The following KHDRBS2 variants were observed in gnomAD, a reference collection of about 807,000 sequenced individuals.
KHDRBS2 encodes KH domain-containing, RNA-binding, signal transduction-associated protein 2.
A neutral mutation model predicts 44.3 loss-of-function variants in KHDRBS2; 26 were observed. The observed-to-expected ratio is 0.59, with a 90% CI of 0.43 to 0.81. The LOEUF (loss-of-function observed/expected upper bound fraction) is 0.81. Ranked by LOEUF, KHDRBS2 falls within the 40% of genes least tolerant of loss-of-function variation. KHDRBS2 has a pLI of 0.00. For synonymous variants in KHDRBS2, 194 were observed against 151.1 expected (o/e 1.28, Z -2.08); for missense variants, 476 against 433.1 (o/e 1.10, Z -0.88).
chr6:62,104,072 G>C (rs1481876621), intron 2 of KHDRBS2, among the ~76,000 whole-genome samples: 1 of 152,082 alleles, frequency 6.6e-6, no homozygotes, highest in Non-Finnish European at 1.5e-5. Context: ...AAATATATAG[G>C]ATTTTTATTG....
the KHDRBS2 span, among the ~76,000 whole-genome samples, chr6:61,663,499 C>CAATATATATATATATATATATA: frequency 1.8e-4 from 1 of 5,630 alleles, no homozygotes; most frequent in Non-Finnish European, 3.1e-4. Flanking sequence ...GCATGAGACA[C>CAATATATATATATATATATATA]CATATATATA....
intron 8 of KHDRBS2, among the ~76,000 whole-genome samples, chr6:61,684,838 A>T (rs1310934489): frequency 6.6e-6 from 1 of 151,708 alleles, no homozygotes; most frequent in East Asian, 1.9e-4. Flanking sequence ...ACTTGATCCA[A>T]TTGCCACCCT....
intron 2 of KHDRBS2, among the ~76,000 whole-genome samples, chr6:62,124,263 C>G (rs1808425590): frequency 6.6e-6 from 1 of 152,124 alleles, no homozygotes; most frequent in Admixed American, 6.5e-5. Context: ...CAATTTCAAG[C>G]AATTTATAAC....
chr6:61,548,208 T>C, the KHDRBS2 span, among the ~76,000 whole-genome samples: 5 of 152,180 alleles, frequency 3.3e-5, no homozygotes, highest in Non-Finnish European at 7.4e-5. Context: ...CAACTAACTA[T>C]GGAAAAATAA....
At chr6:62,102,762 C>T (rs985864914) in intron 2 of KHDRBS2, among the ~76,000 whole-genome samples, 1 of 152,136 alleles carries the variant, frequency 6.6e-6, no homozygotes, top group Non-Finnish European at 1.5e-5. Context: ...CCAGAAGGGT[C>T]ACCACTCTTC....
At chr6:62,192,125 T>C (rs1824754905) in intron 1 of KHDRBS2, among the ~76,000 whole-genome samples, 1 of 152,062 alleles carries the variant, frequency 6.6e-6, no homozygotes, top group African/African-American at 2.4e-5. Context: ...CTCAGAGAGC[T>C]TATTTTATTC....
At chr6:62,131,982 GA>G (rs1225296347) in intron 2 of KHDRBS2, among the ~76,000 whole-genome samples, 3 of 152,154 alleles carry the variant, frequency 2.0e-5, no homozygotes, top group African/African-American at 7.2e-5. Context: ...ATTCTGGATA[GA>G]AATCAGTGAA....
intron 6 of KHDRBS2, among the ~76,000 whole-genome samples, chr6:61,737,337 C>G (rs554879453): frequency 1.9e-4 from 29 of 152,126 alleles, no homozygotes; most frequent in Non-Finnish European, 2.8e-4. Context: ...GTAAAAGGGA[C>G]AGTAAATGGG....
At chr6:62,237,663 T>C (rs1481523256) in intron 1 of KHDRBS2, among the ~76,000 whole-genome samples, 2 of 152,060 alleles carry the variant, frequency 1.3e-5, no homozygotes, top group African/African-American at 4.8e-5. Context: ...AGTGAGAAAA[T>C]ATACCAGTCA....
rs149546278 is a variant in KHDRBS2 at position 62,276,255 on chromosome 6, A to T, written c.91+9603T>A. On this transcript the variant is annotated intron_variant, in intron 1 of 8. Coordinates refer to ENST00000281156, the MANE Select transcript of KHDRBS2 (RefSeq NM_152688.4). The stretch of plus-strand genomic sequence containing the variant: ...TCTGTTTCAAAGTTATTAAATTCTA[A>T]TACCTCAGAACATACAGATAACATT... Among the ~76,000 whole-genome samples, 23 of 152,292 alleles carry T rather than the reference A, an allele frequency of 1.5e-4. No individual in the cohort carries two copies. The Middle Eastern group carries it at 0.01, about 68-fold the overall frequency.
chr6:61,877,623 T>G (rs1799614261), intron 6 of KHDRBS2, among the ~76,000 whole-genome samples: 1 of 151,890 alleles, frequency 6.6e-6, no homozygotes. Flanking sequence ...TACAAACTAC[T>G]TTTAAAAAAA....
At chr6:61,967,953 TATATAC>T (rs59776594) in intron 4 of KHDRBS2, among the ~76,000 whole-genome samples, 4,326 of 122,238 alleles carry the variant, frequency 0.035, 88 homozygotes, top group African/African-American at 0.071. Flanking sequence ...TATATATATA[TATATAC>T]ACACACACAC....
chr6:61,587,874 A>G, the KHDRBS2 span, among the ~76,000 whole-genome samples: 1 of 150,432 alleles, frequency 6.6e-6, no homozygotes, highest in Non-Finnish European at 1.5e-5. Context: ...TGATGTTACT[A>G]TCTAATTATA....
At chr6:61,548,093 A>C in the KHDRBS2 span, among the ~76,000 whole-genome samples, 1 of 152,176 alleles carries the variant, frequency 6.6e-6, no homozygotes, top group Non-Finnish European at 1.5e-5. Flanking sequence ...TCTAATAGGA[A>C]CTGAAATGAT....
intron 2 of KHDRBS2, among the ~76,000 whole-genome samples, chr6:62,130,517 G>A (rs907209576): frequency 2.8e-4 from 42 of 152,142 alleles, no homozygotes; most frequent in African/African-American, 1.0e-3. Context: ...GATAACAATT[G>A]TTAATGAGCA....
At chr6:61,557,581 C>T in the KHDRBS2 span, among the ~76,000 whole-genome samples, 2 of 152,040 alleles carry the variant, frequency 1.3e-5, no homozygotes, top group Non-Finnish European at 2.9e-5. Context: ...AGATTATTGG[C>T]CTGTAGTTTT....
intron 2 of KHDRBS2, among the ~76,000 whole-genome samples, chr6:62,081,668 A>G (rs145217319): frequency 1.3e-5 from 2 of 152,274 alleles, no homozygotes; most frequent in East Asian, 3.9e-4. Context: ...AGTTATTCAA[A>G]CCAGAACATA....
At chr6:61,749,052 G>A (rs371255764) in intron 6 of KHDRBS2, among the ~76,000 whole-genome samples, 28 of 112,256 alleles carry the variant, frequency 2.5e-4, no homozygotes, top group East Asian at 8.7e-4. Flanking sequence ...TCACTCTGTC[G>A]CCCAGGCTGG....
At chr6:62,026,978 T>C (rs185425453) in intron 3 of KHDRBS2, among the ~76,000 whole-genome samples, 86 of 152,140 alleles carry the variant, frequency 5.7e-4, no homozygotes, top group African/African-American at 1.7e-3. Context: ...TCCAGGAAAA[T>C]TTTATTCCAA....
Sources: allele counts gnomAD v4.1 joint callset (sites outside exome capture counted in the v4.1 genomes callset), GRCh38; gene constraint gnomAD v4.1.1; transcripts MANE v1.5; gene names NCBI Gene and HGNC (gene_info 2026-07-23, HGNC 2026-07-21).